CYB5R3: variants seen among roughly 807,000 people sequenced by gnomAD.
CYB5R3 encodes the protein cytochrome b5 reductase 3.
A neutral mutation model predicts 36.5 loss-of-function variants in CYB5R3; 28 were observed. The observed-to-expected ratio is 0.77, with a 90% CI of 0.57 to 1.05. CYB5R3 has a LOEUF of 1.05. Ranked by LOEUF, CYB5R3 falls within the 50% of genes least tolerant of loss-of-function variation. The probability of loss-of-function intolerance (pLI) is 0.00; values close to 1 mark genes in which losing one functional copy is unlikely to be tolerated. For synonymous variants in CYB5R3, 181 were observed against 159.8 expected, an observed-to-expected ratio of 1.13 and a Z score of -1.00; for missense variants, 474 against 408.9, an observed-to-expected ratio of 1.16 and a Z score of -1.37.
chr22:42,623,883 C>G lies in CYB5R3; in HGVS notation c.639G>C (p.Glu213Asp). 1 of 1,614,062 alleles carries G rather than the reference C, an allele frequency of 6.2e-7. No homozygotes were observed. The highest frequency in any genetic ancestry group is 8.5e-7 in the Non-Finnish European group (1 of 1,179,932). Reference protein sequence around the residue: ...VCHLLFANQTEKDILLRPELE... With the variant: ...VCHLLFANQTDKDILLRPELE... ...GCTCAGGTCGCAGCAGGATGTCCTT[C>G]TCGGTCTGCAGGGGACAGGGCCAGG... The change falls in exon 8 of 9, where the codon GAG (glutamate) becomes GAC (aspartate). Residue 213 changes from glutamate (E) to aspartate (D), a missense_variant. Glu to Asp is a conservative substitution (Grantham distance 45). Coordinates refer to ENST00000352397, the MANE Select transcript of CYB5R3 (RefSeq NM_000398.7).
chr22:42,634,612 A>G (rs1189469604), intron 2 of CYB5R3, among the ~76,000 whole-genome samples: 1 of 147,042 alleles, frequency 6.8e-6, no homozygotes, highest in Non-Finnish European at 1.5e-5. Flanking sequence ...ACGCCCGGCT[A>G]ATTTTCATAT....
Position 42,618,245 on chromosome 22 carries a change from A to G in CYB5R3, c.*1528T>C, listed in dbSNP as rs1322270354. On this transcript the variant is annotated 3_prime_UTR_variant, in exon 9 of 9. Coordinates refer to ENST00000352397, the MANE Select transcript of CYB5R3 (RefSeq NM_000398.7). Reference sequence around the variant, plus strand: ...TTTCTACCACAAAGATACATCAGAAATAAATGCTGGAGCCGGGCGCAGTGG... The same window carrying G: ...TTTCTACCACAAAGATACATCAGAAGTAAATGCTGGAGCCGGGCGCAGTGG... 6.6e-6 allele frequency: 1 copy of G among 152,276 alleles called. No homozygotes were observed. 9.4% of individuals were successfully genotyped at this position (152,276 alleles called of 1,614,324 possible).
In CYB5R3 at chr22:42,618,169, T is replaced by C. The variant is rs1333198656; in HGVS notation, c.*1604A>G. 1 of 152,252 alleles carries C rather than the reference T, an allele frequency of 6.6e-6. No homozygotes were observed. Among genetic ancestry groups the C allele is most frequent in the Non-Finnish European group, 1.5e-5 (1 of 68,090 alleles). 9.4% of individuals were successfully genotyped at this position (152,252 alleles called of 1,614,324 possible). ...TGCGTGGTTTCAGCTGGTTTGCCTC[T>C]GGGGGTTGGGAATTTTTCTTCCTGT... On this transcript the variant is annotated 3_prime_UTR_variant, in exon 9 of 9. Transcript: ENST00000352397.
At position 42,619,908 on chromosome 22, in the gene CYB5R3, C is replaced by T; in HGVS notation, c.771G>A (p.Met257Ile). ...CTGGGGGTGGAAGGTGGTCCCGGATCATCTCCTCATTCACGAAGCCCTGGC... is the reference window on the plus strand; with the variant it reads ...CTGGGGGTGGAAGGTGGTCCCGGATTATCTCCTCATTCACGAAGCCCTGGC... ...DYGQGFVNEE[M>I]IRDHLPPPEE... is the part of the protein sequence containing the mutation. Residue 257 changes from methionine (M) to isoleucine (I), a missense_variant, in exon 9 of 9, where the codon ATG (methionine) becomes ATA (isoleucine). Coordinates refer to ENST00000352397, the MANE Select transcript of CYB5R3 (RefSeq NM_000398.7). 6.2e-7 allele frequency: 1 copy of T among 1,607,764 alleles called. No homozygotes were observed. The highest frequency in any genetic ancestry group is 8.5e-7 in the Non-Finnish European group (1 of 1,177,242).
chr22:42,640,161 C>A, intron 1 of CYB5R3: 2 of 1,613,138 alleles, frequency 1.2e-6, no homozygotes, highest in Non-Finnish European at 1.7e-6. Flanking sequence ...TGGGAGGAAC[C>A]AGCTCAACCG....
chr22:42,631,655 C>T (rs991395857), intron 2 of CYB5R3: 38 of 620,046 alleles, frequency 6.1e-5, no homozygotes, highest in Middle Eastern at 8.5e-4. Flanking sequence ...GCCAGGCGCA[C>T]GCTGGGTGTG....
At chr22:42,631,185 T>A in intron 3 of CYB5R3, 193 bp downstream of exon 3, 1 of 745,458 alleles carries the variant, frequency 1.3e-6, no homozygotes, top group Admixed American at 2.2e-5. Context: ...CTCCTGCTGG[T>A]GCCACTGCCA....
rs373688908 is a variant in CYB5R3 at position 42,619,874 on chromosome 22, G to A, written c.805C>T (p.Pro269Ser). The change falls in exon 9 of 9, where the codon CCG becomes TCG. Residue 269 changes from proline (P) to serine (S), a missense_variant. Transcript: ENST00000352397. ...RDHLPPPEEE[P>S]LVLMCGPPPM... ...GGGGGGCCACACATCAGCACCAGCG[G>A]CTCCTCCTCTGGGGGTGGAAGGTGG... 2 of 1,608,238 alleles carry A rather than the reference G, an allele frequency of 1.2e-6. No homozygotes were observed. The highest frequency in any genetic ancestry group is 2.2e-5 in the East Asian group (1 of 44,686).
In CYB5R3 at chr22:42,636,798, T is replaced by A. The variant is rs764830133; in HGVS notation, c.70A>T (p.Met24Leu). 12 of 1,613,994 alleles carry A rather than the reference T, an allele frequency of 7.4e-6. No homozygotes were observed. The South Asian group carries it at 1.3e-4, about 18-fold the overall frequency. Reference protein sequence around the residue: ...FPVWFLYSLLMKLFQRSTPAI... With the variant: ...FPVWFLYSLLLKLFQRSTPAI... The stretch of plus-strand genomic sequence containing the variant: ...GGCGTGGAGCGCTGGAACAGCTTCA[T>A]GAGCAGACTGTACAGGAACCAGACT... The change falls in exon 2 of 9, where the codon ATG becomes TTG. Residue 24 changes from methionine (M) to leucine (L), a missense_variant. By Grantham distance (15) the Met-to-Leu change is conservative (BLOSUM62 2). Coordinates refer to ENST00000352397, the MANE Select transcript of CYB5R3 (RefSeq NM_000398.7).
chr22:42,647,375 G>A (rs1929583565), intron 1 of CYB5R3, among the ~76,000 whole-genome samples: 2 of 152,142 alleles, frequency 1.3e-5, no homozygotes. Flanking sequence ...GCACTTTGAG[G>A]AGCTGGGATG....
chr22:42,637,851 C>G (rs1454529643), intron 1 of CYB5R3, among the ~76,000 whole-genome samples: 2 of 151,264 alleles, frequency 1.3e-5, no homozygotes, highest in Non-Finnish European at 3.0e-5. Context: ...CCACCCATCC[C>G]TTATACCACG....
chr22:42,638,881 A>G (rs1569324985), intron 1 of CYB5R3, among the ~76,000 whole-genome samples: 1 of 151,752 alleles, frequency 6.6e-6, no homozygotes, highest in Non-Finnish European at 1.5e-5. Flanking sequence ...AAAAATACAA[A>G]AAATTAGCTG....
In CYB5R3 at chr22:42,618,885, C is replaced by T. The variant is rs1927787811; in HGVS notation, c.*888G>A. On this transcript the variant is annotated 3_prime_UTR_variant, in exon 9 of 9. Transcript: ENST00000352397. ...TCTGAAAAAGCCAATACGCAAGAGG[C>T]TAACACAACTGTAGTCTAAAGGCAA... The T allele has an allele frequency of 6.6e-6, 1 of 151,934 alleles. No homozygotes were observed. The allele number at this position is 151,934 out of a possible 1,614,324, so 9.4% of individuals were successfully genotyped here.
At chr22:42,636,995 C>G (rs921156807) in intron 1 of CYB5R3, 149 bp from the exon 2 acceptor site, 2 of 1,131,382 alleles carry the variant, frequency 1.8e-6, no homozygotes, top group Non-Finnish European at 2.6e-6. Context: ...GCTTCATCAT[C>G]CATTTTGGTG....
intron 1 of CYB5R3, 77 bp downstream of exon 1, chr22:42,649,218 A>G: frequency 1.5e-6 from 1 of 653,766 alleles, no homozygotes; most frequent in South Asian, 4.1e-5. Flanking sequence ...CACCTCCCGC[A>G]GGCCAGCCCG....
At chr22:42,634,197 CAA>C (rs35470695) in intron 2 of CYB5R3, among the ~76,000 whole-genome samples, 6 of 135,414 alleles carry the variant, frequency 4.4e-5, no homozygotes, top group African/African-American at 5.4e-5. Context: ...ACTAAAAATA[CAA>C]AAAAAAAAAA....
chr22:42,634,327 CT>C (rs1569322595), intron 2 of CYB5R3, among the ~76,000 whole-genome samples: 1 of 151,966 alleles, frequency 6.6e-6, no homozygotes, highest in Admixed American at 6.6e-5. Context: ...CACCATTGCA[CT>C]ATAGCCTGGG....
At chr22:42,639,234 G>C (rs979178625) in intron 1 of CYB5R3, 11 of 277,392 alleles carry the variant, frequency 4.0e-5, no homozygotes, top group African/African-American at 2.5e-4. Flanking sequence ...TGGAGCAGGA[G>C]AATCATCTGA....
rs1003122073 is a variant in CYB5R3 at position 42,631,644 on chromosome 22, G to A, written c.154-194C>T. 9.5e-6 allele frequency: 6 copies of A among 631,722 alleles called. 1 individual carries two copies. Among genetic ancestry groups the A allele is most frequent in the Non-Finnish European group, 1.1e-5 (4 of 349,072 alleles). 39.1% of individuals were successfully genotyped at this position (631,722 alleles called of 1,614,324 possible). A position where few individuals can be genotyped will look rare whatever the true frequency, so the allele number is the denominator to read the frequency against. ...ATGCACGCTGCGTGTGAGGTGCTGA[G>A]GCCAGGCGCACGCTGGGTGTGTCTG... On this transcript the variant is annotated intron_variant, in intron 2 of 8. Coordinates refer to ENST00000352397, the MANE Select transcript of CYB5R3 (RefSeq NM_000398.7).
Sources: allele counts gnomAD v4.1 joint callset (sites outside exome capture counted in the v4.1 genomes callset), GRCh38; gene constraint gnomAD v4.1.1; transcripts MANE v1.5; gene names NCBI Gene and HGNC (gene_info 2026-07-23, HGNC 2026-07-21).